GUCY1A2: variants seen among roughly 807,000 people sequenced by gnomAD.
GUCY1A2 encodes the protein guanylate cyclase 1 soluble subunit alpha 2.
GUCY1A2 carries 27 observed loss-of-function variants against 63.5 expected under a neutral mutation model. The ratio of observed to expected loss-of-function variants is 0.43; its 90% CI spans 0.31 to 0.59. The LOEUF (loss-of-function observed/expected upper bound fraction) is 0.59, where lower values mean the gene tolerates loss of function less well. Ranked by LOEUF, GUCY1A2 falls within the 20% of genes least tolerant of loss-of-function variation. The pLI, the probability that GUCY1A2 is intolerant of heterozygous loss-of-function variation, is 0.11. For missense variants in GUCY1A2, 768 were observed against 913.3 expected, an observed-to-expected ratio of 0.84 and a Z score of 2.05; for synonymous variants, 364 against 343.5, an observed-to-expected ratio of 1.06 and a Z score of -0.66.
chr11:106,919,216 A>G (rs978543655), intron 4 of GUCY1A2, among the ~76,000 whole-genome samples: 7 of 152,136 alleles, frequency 4.6e-5, no homozygotes, highest in South Asian at 2.1e-4. Flanking sequence ...GAAGAAACAT[A>G]AGAATATATA....
At chr11:106,762,204 T>A (rs1279715528) in intron 6 of GUCY1A2, among the ~76,000 whole-genome samples, 1 of 152,150 alleles carries the variant, frequency 6.6e-6, no homozygotes, top group South Asian at 2.1e-4. Flanking sequence ...ACTATAAGTT[T>A]ATTAAAAACC....
At chr11:106,695,448 T>C (rs1255430240) in intron 7 of GUCY1A2, among the ~76,000 whole-genome samples, 1 of 152,222 alleles carries the variant, frequency 6.6e-6, no homozygotes, top group Non-Finnish European at 1.5e-5. Context: ...CATTGGGCAC[T>C]GCATTTTTGG....
At chr11:106,866,332 T>G (rs1207529077) in intron 4 of GUCY1A2, among the ~76,000 whole-genome samples, 4 of 151,990 alleles carry the variant, frequency 2.6e-5, no homozygotes, top group African/African-American at 9.7e-5. Context: ...AAATGGTGCT[T>G]CTCCTGTTAG....
At chr11:106,948,752 T>C (rs562869813) in intron 3 of GUCY1A2, among the ~76,000 whole-genome samples, 2 of 152,272 alleles carry the variant, frequency 1.3e-5, no homozygotes, top group Admixed American at 6.5e-5. Context: ...TCTGTGTATA[T>C]GAGAAGTTTT....
At chr11:106,835,480 G>A (rs1237401929) in intron 4 of GUCY1A2, among the ~76,000 whole-genome samples, 1 of 151,622 alleles carries the variant, frequency 6.6e-6, no homozygotes, top group East Asian at 1.9e-4. Flanking sequence ...AGAATAAAGA[G>A]AATGGGGAGA....
intron 4 of GUCY1A2, among the ~76,000 whole-genome samples, chr11:106,898,259 G>A (rs1860078742): frequency 6.6e-6 from 1 of 152,172 alleles, no homozygotes; most frequent in Non-Finnish European, 1.5e-5. Context: ...ATGAAAAGCA[G>A]TACAGCCATT....
intron 6 of GUCY1A2, among the ~76,000 whole-genome samples, chr11:106,753,337 A>C: frequency 6.6e-6 from 1 of 152,130 alleles, no homozygotes; most frequent in East Asian, 1.9e-4. Flanking sequence ...CTCTGCTGAT[A>C]GTTTCTTTTG....
chr11:106,852,072 G>C (rs1565310040), intron 4 of GUCY1A2, among the ~76,000 whole-genome samples: 1 of 151,720 alleles, frequency 6.6e-6, no homozygotes, highest in African/African-American at 2.4e-5. Flanking sequence ...CACCCCTTTT[G>C]TTTAATTTAT....
intron 4 of GUCY1A2, among the ~76,000 whole-genome samples, chr11:106,927,582 TGA>T (rs1482578221): frequency 6.6e-6 from 1 of 151,794 alleles, no homozygotes; most frequent in Non-Finnish European, 1.5e-5. Flanking sequence ...CTTTTTTTTT[TGA>T]GTCAGAGTCT....
In GUCY1A2 at chr11:106,918,721, C is replaced by G. The variant is rs1434734578; in HGVS notation, c.1206+20739G>C. Among the ~76,000 whole-genome samples, 3 of 145,640 alleles carry G rather than the reference C, an allele frequency of 2.1e-5. 1 individual carries two copies. Among genetic ancestry groups the G allele is most frequent in the African/African-American group, 7.3e-5 (3 of 40,964 alleles). Reference sequence around the variant, plus strand: ...CTAAAGACAGAAAAGATTTATTGTGCACACTTCATCTCATGACAAGTAAAA... The same window carrying G: ...CTAAAGACAGAAAAGATTTATTGTGGACACTTCATCTCATGACAAGTAAAA... On this transcript the variant is annotated intron_variant, in intron 4 of 7. Coordinates refer to ENST00000526355, the MANE Select transcript of GUCY1A2 (RefSeq NM_000855.3).
In GUCY1A2 at chr11:107,017,832, C is replaced by G; in HGVS notation, c.224G>C (p.Gly75Ala). 2 of 1,292,934 alleles carry G rather than the reference C, an allele frequency of 1.5e-6. No individual in the cohort carries two copies. Among genetic ancestry groups the G allele is most frequent in the Non-Finnish European group, 2.0e-6 (2 of 1,022,362 alleles). The allele number at this position is 1,292,934 out of a possible 1,614,324, so 80.1% of individuals were successfully genotyped here. Residue 75 changes from glycine (G) to alanine (A), a missense_variant, in exon 1 of 8, where the codon GGG becomes GCG. Physicochemically the swap from Gly to Ala is moderately conservative, Grantham distance 60 (BLOSUM62 0). This residue lies in a region of GUCY1A2 where 496 missense variants were observed against 486.9 expected (regional missense o/e 1.02). Coordinates refer to ENST00000526355, the MANE Select transcript of GUCY1A2 (RefSeq NM_000855.3). ...CCTCCGGCGCTGCACCCTCCTGGCC[C>G]CGGCAGTGGCAGCGGCGGCGGCGGC... Reference protein sequence around the residue: ...ASAAAAAATAGARRVQRRRRV... With the variant: ...ASAAAAAATAAARRVQRRRRV...
In GUCY1A2 at chr11:106,708,619, C is replaced by T; in HGVS notation, c.1884G>A (p.Gly628=). Reference sequence around the variant, plus strand: ...ACAGGCAATAACGTGGCATTCGCACCCCAACAACTCCAGCCAGCACGGAGC... The same window carrying T: ...ACAGGCAATAACGTGGCATTCGCACTCCAACAACTCCAGCCAGCACGGAGC... The part of the protein sequence containing the change: ...HSGSVLAGVV[G]VRMPRYCLFG... The change falls in exon 7 of 8, where the codon GGG becomes GGA. Residue 628 remains glycine, a synonymous_variant. Coordinates refer to ENST00000526355, the MANE Select transcript of GUCY1A2 (RefSeq NM_000855.3). 1 of 1,611,986 alleles carries T rather than the reference C, an allele frequency of 6.2e-7. No homozygotes were observed. Among genetic ancestry groups the T allele is most frequent in the African/African-American group, 1.3e-5 (1 of 74,840 alleles).
At chr11:106,997,621 C>T (rs1037981002) in intron 1 of GUCY1A2, among the ~76,000 whole-genome samples, 25 of 105,462 alleles carry the variant, frequency 2.4e-4, no homozygotes, top group Non-Finnish European at 4.2e-4. Context: ...TAGGGAACCC[C>T]CCCCCCCCAC....
intron 4 of GUCY1A2, among the ~76,000 whole-genome samples, chr11:106,852,213 T>G (rs1001286376): frequency 2.0e-5 from 3 of 151,994 alleles, no homozygotes; most frequent in African/African-American, 7.2e-5. Context: ...TTCTTTTTTA[T>G]GGGGTCTTTA....
intron 6 of GUCY1A2, among the ~76,000 whole-genome samples, chr11:106,756,462 C>T (rs372262965): frequency 2.0e-4 from 31 of 152,238 alleles, no homozygotes; most frequent in East Asian, 9.7e-4. Flanking sequence ...TTACAATTGG[C>T]GTGTTTTTGC....
At chr11:107,017,229 CAT>C (rs1861835676) in intron 1 of GUCY1A2, among the ~76,000 whole-genome samples, 1 of 152,106 alleles carries the variant, frequency 6.6e-6, no homozygotes, top group Admixed American at 6.5e-5. Flanking sequence ...AAGGATGCAA[CAT>C]AGAATGCAGA....
At chr11:106,802,059 C>A (rs1858611333) in intron 5 of GUCY1A2, among the ~76,000 whole-genome samples, 1 of 152,084 alleles carries the variant, frequency 6.6e-6, no homozygotes, top group African/African-American at 2.4e-5. Context: ...TAAATAGTGG[C>A]AGAAGTATTT....
At chr11:106,743,935 G>T (rs569393763) in intron 6 of GUCY1A2, among the ~76,000 whole-genome samples, 1 of 152,230 alleles carries the variant, frequency 6.6e-6, no homozygotes, top group South Asian at 2.1e-4. Flanking sequence ...AAAACTAAAA[G>T]GTTGCCTTTT....
chr11:106,744,048 T>C (rs574985864), intron 6 of GUCY1A2, among the ~76,000 whole-genome samples: 1 of 152,138 alleles, frequency 6.6e-6, no homozygotes, highest in Admixed American at 6.5e-5. Flanking sequence ...CATGGATGTA[T>C]AACATACATC....
Sources: gnomAD v4.1 joint callset for allele counts (sites outside exome capture counted in the v4.1 genomes callset) on GRCh38, gnomAD v4.1.1 for gene constraint, gnomAD v4.1.1 regional missense constraint, MANE v1.5 for transcripts, NCBI Gene and HGNC (gene_info 2026-07-23, HGNC 2026-07-21) for gene names.